The following ZDHHC2 variants were observed in gnomAD, a reference collection of about 807,000 sequenced individuals.
ZDHHC2 encodes the protein palmitoyltransferase ZDHHC2.
A neutral mutation model predicts 55.6 loss-of-function variants in ZDHHC2; 51 were observed. That is an observed-to-expected ratio of 0.92 (90% CI 0.73 to 1.16). The LOEUF is 1.16. Ranked by LOEUF, ZDHHC2 falls within the 50% of genes most tolerant of loss-of-function variation. The pLI is 0.00. For synonymous variants in ZDHHC2, 199 were observed against 152.9 expected (o/e 1.30, Z -2.22); for missense variants, 491 against 442.4 (o/e 1.11, Z -0.99).
intron 6 of ZDHHC2, among the ~76,000 whole-genome samples, chr8:17,200,952 C>T (rs987717591): frequency 3.3e-5 from 5 of 152,190 alleles, no homozygotes; most frequent in African/African-American, 1.2e-4. Flanking sequence ...GCTCTGAGTA[C>T]TCCCTTGCAG....
chr8:17,214,499 A>T (rs2150949051), intron 10 of ZDHHC2, among the ~76,000 whole-genome samples: 1 of 152,146 alleles, frequency 6.6e-6, no homozygotes, highest in East Asian at 1.9e-4. Flanking sequence ...TCCACATATC[A>T]CTTACAAAAT....
chr8:17,217,227 T>A lies in ZDHHC2; in HGVS notation c.*15T>A, dbSNP rs770055427. 1 of 1,607,446 alleles carries A rather than the reference T, an allele frequency of 6.2e-7. No individual in the cohort carries two copies. Among genetic ancestry groups the A allele is most frequent in the South Asian group, 1.1e-5 (1 of 90,426 alleles). ...ATGAGACTTAACTCTTCAAGCAAGA[T>A]AAATTCATACTTTATAAAAGTACGA... On this transcript the variant is annotated 3_prime_UTR_variant, in exon 12 of 13. Coordinates refer to ENST00000262096, the MANE Select transcript of ZDHHC2 (RefSeq NM_016353.5).
chr8:17,177,470 G>A (rs1024889686), intron 1 of ZDHHC2, among the ~76,000 whole-genome samples: 2 of 152,192 alleles, frequency 1.3e-5, no homozygotes, highest in Non-Finnish European at 2.9e-5. Flanking sequence ...ATAATCTTTT[G>A]AATGTGAGCT....
intron 2 of ZDHHC2, 116 bp from the exon 3 acceptor site, chr8:17,186,215 A>G (rs1241424042): frequency 3.1e-6 from 2 of 642,884 alleles, no homozygotes; most frequent in Non-Finnish European, 2.6e-6. Context: ...AGGAACTTTC[A>G]TAATGTATTA....
rs1331646554 is a variant in ZDHHC2, at chr8:17,222,825, C to G, written c.*2604C>G. The G allele has an allele frequency of 2.0e-5, 3 of 151,834 alleles. No individual in the cohort carries two copies. The highest frequency in any genetic ancestry group is 2.9e-5 in the Non-Finnish European group (2 of 67,798). The allele number at this position is 151,834 out of a possible 1,614,324, so 9.4% of individuals were successfully genotyped here. A position where few individuals can be genotyped will look rare whatever the true frequency, so the allele number is the denominator to read the frequency against. ...TTTTCCTAATAGTTTATTAGAGCTA[C>G]TAATGGCAAAATTCATGTCTTCAAT... On this transcript the variant is annotated 3_prime_UTR_variant, in exon 13 of 13. Coordinates refer to ENST00000262096, the MANE Select transcript of ZDHHC2 (RefSeq NM_016353.5).
At chr8:17,178,256 T>C (rs1293139268) in intron 1 of ZDHHC2, among the ~76,000 whole-genome samples, 2 of 152,300 alleles carry the variant, frequency 1.3e-5, no homozygotes, top group South Asian at 4.1e-4. Flanking sequence ...AATTTTTAAA[T>C]AATCAATTGG....
chr8:17,199,612 C>CTTCTTCCTTTCTTCTTCCT (rs1554466228), intron 6 of ZDHHC2, among the ~76,000 whole-genome samples: 13,011 of 67,806 alleles, frequency 0.19, 1,794 homozygotes, highest in Non-Finnish European at 0.28. Flanking sequence ...ATTCTTTCTT[C>CTTCTTCCTTTCTTCTTCCT]TTCTTCTTCT....
At chr8:17,181,099 T>C (rs1805408525) in intron 1 of ZDHHC2, among the ~76,000 whole-genome samples, 1 of 152,242 alleles carries the variant, frequency 6.6e-6, no homozygotes, top group East Asian at 1.9e-4. Context: ...TATGGTGTGC[T>C]AAGCTAACAT....
At chr8:17,188,864 A>T (rs1805867475) in intron 3 of ZDHHC2, among the ~76,000 whole-genome samples, 1 of 152,204 alleles carries the variant, frequency 6.6e-6, no homozygotes. Flanking sequence ...TTCTTATGTC[A>T]GTAATGACAG....
intron 2 of ZDHHC2, 116 bp downstream of exon 2, chr8:17,184,931 G>T: frequency 2.3e-6 from 2 of 876,112 alleles, no homozygotes; most frequent in South Asian, 2.0e-5. Flanking sequence ...AGACAAGCTA[G>T]GGTTAAAGAT....
chr8:17,199,564 C>CG (rs1806578759), intron 6 of ZDHHC2, among the ~76,000 whole-genome samples: 1 of 72,120 alleles, frequency 1.4e-5, no homozygotes, highest in African/African-American at 3.0e-5. Flanking sequence ...TCTTCGTCTT[C>CG]TTCGTCTTTG....
chr8:17,182,262 A>G (rs1428510930), intron 1 of ZDHHC2, among the ~76,000 whole-genome samples: 1 of 152,212 alleles, frequency 6.6e-6, no homozygotes, highest in African/African-American at 2.4e-5. Flanking sequence ...TGTCCAGAAT[A>G]TATAAAAGGC....
At chr8:17,213,169 C>T (rs988164493) in intron 10 of ZDHHC2, among the ~76,000 whole-genome samples, 1 of 152,028 alleles carries the variant, frequency 6.6e-6, no homozygotes, top group African/African-American at 2.4e-5. Context: ...TCTGTTCGGG[C>T]GTAACTTCAG....
intron 1 of ZDHHC2, among the ~76,000 whole-genome samples, chr8:17,174,458 G>A (rs965771846): frequency 6.6e-5 from 10 of 152,062 alleles, no homozygotes; most frequent in Non-Finnish European, 1.2e-4. Flanking sequence ...GGGCAGCCTC[G>A]AGTCTACTGT....
At chr8:17,199,725 T>A (rs1210812445) in intron 6 of ZDHHC2, among the ~76,000 whole-genome samples, 1 of 150,602 alleles carries the variant, frequency 6.6e-6, no homozygotes, top group African/African-American at 2.4e-5. Flanking sequence ...CTTCCTTCTT[T>A]CTTCTTTTTC....
chr8:17,164,476 G>A (rs989245071), intron 1 of ZDHHC2, among the ~76,000 whole-genome samples: 2 of 152,012 alleles, frequency 1.3e-5, no homozygotes, highest in Non-Finnish European at 2.9e-5. Context: ...CTCATGTGAA[G>A]TATACAATTA....
intron 1 of ZDHHC2, among the ~76,000 whole-genome samples, chr8:17,158,054 GTTA>G (rs1411032275): frequency 6.6e-6 from 1 of 151,846 alleles, no homozygotes; most frequent in Non-Finnish European, 1.5e-5. Flanking sequence ...AAAATTTGCT[GTTA>G]TTACTTGAAG....
chr8:17,172,213 C>T (rs1804889750), intron 1 of ZDHHC2, among the ~76,000 whole-genome samples: 1 of 152,200 alleles, frequency 6.6e-6, no homozygotes, highest in Admixed American at 6.5e-5. Flanking sequence ...CCCTGCCTCC[C>T]CTTTCTAAAC....
chr8:17,203,800 CT>C (rs1341307198), intron 6 of ZDHHC2, among the ~76,000 whole-genome samples: 3 of 107,662 alleles, frequency 2.8e-5, no homozygotes, highest in Non-Finnish European at 3.9e-5. Flanking sequence ...TTTGTGGCTT[CT>C]TTTTTTTCTT....
Sources: gnomAD v4.1 joint callset for allele counts (sites outside exome capture counted in the v4.1 genomes callset) on GRCh38, gnomAD v4.1.1 for gene constraint, MANE v1.5 for transcripts, NCBI Gene and HGNC (gene_info 2026-07-23, HGNC 2026-07-21) for gene names.